The following MCC variants were observed in gnomAD, a reference collection of about 807,000 sequenced individuals.
MCC encodes the protein MCC regulator of Wnt signaling pathway.
Under a neutral mutation model 116.2 loss-of-function variants are expected in MCC, and 90 were observed. The observed-to-expected ratio is 0.77, with a 90% CI of 0.65 to 0.92. The LOEUF (loss-of-function observed/expected upper bound fraction) is 0.92. Among genes scored for constraint, MCC ranks in the 40% least tolerant of loss-of-function variants. MCC has a pLI of 0.00. For missense variants in MCC, 1,516 were observed against 1,312.2 expected (o/e 1.16, Z -2.40); for synonymous variants, 578 against 510.5 (o/e 1.13, Z -1.78).
At chr5:113,293,728 G>C (rs1581377284) in intron 3 of MCC, among the ~76,000 whole-genome samples, 1 of 152,188 alleles carries the variant, frequency 6.6e-6, no homozygotes, top group Non-Finnish European at 1.5e-5. Context: ...TTGCCTCAAA[G>C]ACTCAGGAGT....
At chr5:113,328,496 CT>C (rs2150373909) in intron 3 of MCC, among the ~76,000 whole-genome samples, 1 of 152,306 alleles carries the variant, frequency 6.6e-6, no homozygotes, top group East Asian at 1.9e-4. Flanking sequence ...TGGTTTTCCT[CT>C]TCACTTTTAA....
In MCC at chr5:113,023,917, A is replaced by ACAC. The variant is rs775280511; in HGVS notation, c.*3382_*3384dup. 1 of 152,218 alleles carries ACAC rather than the reference A, an allele frequency of 6.6e-6. No individual in the cohort carries two copies. The highest frequency in any genetic ancestry group is 1.5e-5 in the Non-Finnish European group (1 of 68,026). The allele number at this position is 152,218 out of a possible 1,614,324, so 9.4% of individuals were successfully genotyped here. On this transcript the variant is annotated 3_prime_UTR_variant, in exon 19 of 19. Transcript: ENST00000408903. ...GGAGGTTCTTTAATTCATGCCAGGG[A>ACAC]CACAGGCAGTCCAATCTTGATCGGG...
Position 113,362,144 on chromosome 5 carries a change from A to G in MCC, c.416-21414T>C, listed in dbSNP as rs530888491. On this transcript the variant is annotated intron_variant, in intron 2 of 18. Coordinates refer to ENST00000408903, the MANE Select transcript of MCC (RefSeq NM_001085377.2). ...CTAATACAATGTTCCTGAATTTCCT[A>G]TCATATGGGGTTTATATTTTATTTA... Among the ~76,000 whole-genome samples the G allele has an allele frequency of 3.9e-5, 6 of 152,278 alleles. No individual in the cohort carries two copies. In the South Asian group the frequency reaches 6.2e-4, roughly 16 times the overall value.
rs759780799 is a variant in MCC, at chr5:113,053,868, C to G, written c.2305G>C (p.Asp769His). Reference protein sequence around the residue: ...LKDYIQQLKNDRAAVKLTMLE... With the variant: ...LKDYIQQLKNHRAAVKLTMLE... ...ATGGTCAGCTTGACCGCAGCCCTGT[C>G]ATTCTTGAGCTGCTGGATATAATCC... The change falls in exon 15 of 19, where the codon GAC (aspartate) becomes CAC (histidine). Residue 769 changes from aspartate (D) to histidine (H), a missense_variant. By Grantham distance (81) the Asp-to-His change is moderately conservative. Transcript: ENST00000408903. 1.9e-6 allele frequency: 3 copies of G among 1,614,032 alleles called. No individual in the cohort carries two copies. The highest frequency in any genetic ancestry group is 8.5e-7 in the Non-Finnish European group (1 of 1,180,028).
At chr5:113,332,722 C>T (rs1199466300) in intron 3 of MCC, among the ~76,000 whole-genome samples, 2 of 151,608 alleles carry the variant, frequency 1.3e-5, no homozygotes, top group Non-Finnish European at 2.9e-5. Flanking sequence ...CCATGCTGGG[C>T]AAAAGTAGTT....
intron 3 of MCC, among the ~76,000 whole-genome samples, chr5:113,262,291 A>G (rs569227920): frequency 2.1e-4 from 32 of 152,218 alleles, no homozygotes; most frequent in African/African-American, 7.5e-4. Flanking sequence ...TCTGCTTTCA[A>G]CTATCACATT....
At chr5:113,389,411 A>C (rs1327845584) in intron 1 of MCC, among the ~76,000 whole-genome samples, 2 of 152,178 alleles carry the variant, frequency 1.3e-5, no homozygotes, top group Non-Finnish European at 2.9e-5. Flanking sequence ...AGGATTCTGA[A>C]CACACAGGCC....
chr5:113,371,947 C>A (rs1224979166), intron 2 of MCC, among the ~76,000 whole-genome samples: 1 of 152,200 alleles, frequency 6.6e-6, no homozygotes, highest in African/African-American at 2.4e-5. Flanking sequence ...GCCAAGTAAT[C>A]ATTTTTCTTC....
intron 6 of MCC, among the ~76,000 whole-genome samples, chr5:113,107,332 C>A (rs1756805571): frequency 6.6e-6 from 1 of 151,196 alleles, no homozygotes; most frequent in African/African-American, 2.4e-5. Context: ...ATTCTCCTAT[C>A]TCAGCCTCCC....
At chr5:113,050,160 G>T (rs1346403886) in intron 15 of MCC, among the ~76,000 whole-genome samples, 1 of 152,216 alleles carries the variant, frequency 6.6e-6, no homozygotes, top group Non-Finnish European at 1.5e-5. Flanking sequence ...GCACACAGAA[G>T]GAAATCCCCC....
intron 11 of MCC, 108 bp downstream of exon 11, chr5:113,082,752 G>T: frequency 1.5e-6 from 2 of 1,371,650 alleles, no homozygotes; most frequent in Non-Finnish European, 2.0e-6. Flanking sequence ...TGACGGTACT[G>T]CTCTATGTCA....
intron 1 of MCC, among the ~76,000 whole-genome samples, chr5:113,458,048 CA>C (rs1420731445): frequency 6.6e-6 from 1 of 152,144 alleles, no homozygotes; most frequent in East Asian, 1.9e-4. Flanking sequence ...AGCACCCTGT[CA>C]AAACAGACCA....
intron 2 of MCC, among the ~76,000 whole-genome samples, chr5:113,384,521 G>C (rs182088932): frequency 1.1e-3 from 161 of 152,296 alleles, no homozygotes; most frequent in African/African-American, 3.6e-3. Context: ...CCGGGAGGCA[G>C]AGGTTGCAGT....
chr5:113,078,387 A>C (rs1754609151), intron 11 of MCC, among the ~76,000 whole-genome samples: 1 of 152,270 alleles, frequency 6.6e-6, no homozygotes, highest in African/African-American at 2.4e-5. Flanking sequence ...ATCCCTGATG[A>C]ACATTGATGC....
intron 3 of MCC, among the ~76,000 whole-genome samples, chr5:113,269,736 C>G (rs1765543830): frequency 6.6e-6 from 1 of 152,106 alleles, no homozygotes; most frequent in Non-Finnish European, 1.5e-5. Flanking sequence ...TGGTAATGTT[C>G]ATGGAAATGT....
At chr5:113,391,148 T>G (rs1159113387) in intron 1 of MCC, among the ~76,000 whole-genome samples, 1 of 152,032 alleles carries the variant, frequency 6.6e-6, no homozygotes, top group Non-Finnish European at 1.5e-5. Context: ...CAAAACCATA[T>G]TTAAGAAAAA....
At chr5:113,064,479 G>A (rs1176003787) in intron 13 of MCC, among the ~76,000 whole-genome samples, 3 of 152,202 alleles carry the variant, frequency 2.0e-5, no homozygotes, top group African/African-American at 7.2e-5. Context: ...TAATGATCCA[G>A]GCTCCTGGCT....
At chr5:113,347,382 G>C (rs545537323) in intron 2 of MCC, among the ~76,000 whole-genome samples, 2 of 149,802 alleles carry the variant, frequency 1.3e-5, no homozygotes, top group Non-Finnish European at 2.9e-5. Flanking sequence ...TTTTCTTTTC[G>C]TGTTTTTTTG....
chr5:113,050,819 C>T lies in MCC; in HGVS notation c.2449-1520G>A, dbSNP rs954305314. ...GGAGGGCAGGTGCTGGCCAGCAAGG[C>T]GTCAGACTGTCCTCAGGCCCTCCAC... On this transcript the variant is annotated intron_variant, in intron 15 of 18. Transcript: ENST00000408903. Among the ~76,000 whole-genome samples, 16 of 152,346 alleles carry T rather than the reference C, an allele frequency of 1.1e-4. 1 individual carries two copies. The highest frequency in any genetic ancestry group is 1.6e-4 in the Non-Finnish European group (11 of 68,032).
Sources: gnomAD v4.1 joint callset for allele counts (sites outside exome capture counted in the v4.1 genomes callset) on GRCh38, gnomAD v4.1.1 for gene constraint, MANE v1.5 for transcripts, NCBI Gene and HGNC (gene_info 2026-07-23, HGNC 2026-07-21) for gene names.